AUTS2: variants seen among roughly 807,000 people sequenced by gnomAD.
The protein encoded by AUTS2 is autism susceptibility gene 2 protein.
AUTS2 carries 17 observed loss-of-function variants against 112.4 expected under a neutral mutation model. That is an observed-to-expected ratio of 0.15 (90% CI 0.10 to 0.23). The LOEUF (loss-of-function observed/expected upper bound fraction) is 0.23. AUTS2 is among the 10% of genes least tolerant of loss of function. AUTS2 has a pLI of 1.00. For missense variants in AUTS2, 1,510 were observed against 1,701.6 expected, an observed-to-expected ratio of 0.89 and a Z score of 1.98; for synonymous variants, 751 against 702.7, an observed-to-expected ratio of 1.07 and a Z score of -1.09.
At chr7:69,849,416 A>G (rs958389509) in intron 1 of AUTS2, among the ~76,000 whole-genome samples, 13 of 152,132 alleles carry the variant, frequency 8.5e-5, no homozygotes, top group Non-Finnish European at 2.9e-5. Flanking sequence ...GTTCTTTGAC[A>G]TGTGTACATT....
At chr7:69,686,274 C>T (rs1797060369) in intron 1 of AUTS2, among the ~76,000 whole-genome samples, 1 of 152,236 alleles carries the variant, frequency 6.6e-6, no homozygotes, top group Admixed American at 6.5e-5. Flanking sequence ...CACAGATACT[C>T]GAATGTCAGA....
Position 69,753,566 on chromosome 7 carries a change from A to G in AUTS2, c.310-145720A>G, listed in dbSNP as rs529767066. On this transcript the variant is annotated intron_variant, in intron 1 of 18. Coordinates refer to ENST00000342771, the MANE Select transcript of AUTS2 (RefSeq NM_015570.4). The stretch of plus-strand genomic sequence containing the variant: ...TTAGTCTTCCTGAAGTTTCCTGTCC[A>G]TGAAAAGGGGATGTGTGAGGGTGCA... Among the ~76,000 whole-genome samples the G allele has an allele frequency of 4.6e-5, 7 of 152,278 alleles. No homozygotes were observed. In the South Asian group the frequency reaches 1.2e-3, roughly 27 times the overall value.
At chr7:69,899,520 C>CT (rs912103544) in intron 2 of AUTS2, 22 bp downstream of exon 2, 1 of 1,612,064 alleles carries the variant, frequency 6.2e-7, no homozygotes, top group Non-Finnish European at 8.5e-7. Context: ...TGGGTTCGCT[C>CT]TTTCCTGTGG....
chr7:70,340,968 C>G (rs939615967), intron 4 of AUTS2, among the ~76,000 whole-genome samples: 1 of 152,164 alleles, frequency 6.6e-6, no homozygotes, highest in African/African-American at 2.4e-5. Context: ...ATATGAAACT[C>G]AAAACCCACT....
chr7:69,970,808 A>T lies in AUTS2; in HGVS notation c.522+71310A>T, dbSNP rs542088699. ...CCTGCGTCTTCTATAGTAACATATGATCCTAGAGATACAGAATTACATTGT... is the reference window on the plus strand; with the variant it reads ...CCTGCGTCTTCTATAGTAACATATGTTCCTAGAGATACAGAATTACATTGT... On this transcript the variant is annotated intron_variant, in intron 2 of 18. Transcript: ENST00000342771. Among the ~76,000 whole-genome samples the T allele has an allele frequency of 6.6e-5, 10 of 152,200 alleles. No individual in the cohort carries two copies. The East Asian group carries it at 1.9e-3, about 29-fold the overall frequency.
In AUTS2 at chr7:70,484,497, A is replaced by T. The variant is rs189730806; in HGVS notation, c.690+48716A>T. Among the ~76,000 whole-genome samples the T allele has an allele frequency of 2.6e-5, 4 of 152,310 alleles. No homozygotes were observed. In the East Asian group the frequency reaches 7.7e-4, roughly 29 times the overall value. ...TGGGGTTAGCCCCTGACGGGAACTC[A>T]GGGTCTCAGCTTTCATTCTCATTCT... On this transcript the variant is annotated intron_variant, in intron 5 of 18. Transcript: ENST00000342771.
At chr7:70,446,032 A>G (rs899983745) in intron 5 of AUTS2, among the ~76,000 whole-genome samples, 5 of 152,110 alleles carry the variant, frequency 3.3e-5, no homozygotes, top group African/African-American at 1.2e-4. Flanking sequence ...GACCCCACAC[A>G]GGAGAAGGGG....
At chr7:70,538,690 A>G (rs143528259) in intron 5 of AUTS2, among the ~76,000 whole-genome samples, 27 of 152,342 alleles carry the variant, frequency 1.8e-4, no homozygotes, top group African/African-American at 6.0e-4. Context: ...TGCATGGTTA[A>G]TGTGTGAAGT....
At chr7:69,849,172 A>G (rs916765866) in intron 1 of AUTS2, among the ~76,000 whole-genome samples, 3 of 152,214 alleles carry the variant, frequency 2.0e-5, no homozygotes, top group Admixed American at 2.0e-4. Flanking sequence ...AAAGAGCAAG[A>G]TTGTCCAAAA....
At chr7:70,431,036 A>G (rs1038998176) in intron 4 of AUTS2, among the ~76,000 whole-genome samples, 8 of 151,638 alleles carry the variant, frequency 5.3e-5, no homozygotes, top group African/African-American at 1.2e-4. Context: ...ACGGGGTTTC[A>G]CCGTTTTAGC....
At chr7:70,458,283 T>C (rs573317833) in intron 5 of AUTS2, among the ~76,000 whole-genome samples, 70 of 152,336 alleles carry the variant, frequency 4.6e-4, no homozygotes, top group Non-Finnish European at 8.5e-4. Context: ...CACATTTCTG[T>C]CAGGATGTCA....
intron 1 of AUTS2, among the ~76,000 whole-genome samples, chr7:69,801,928 A>G (rs1414313984): frequency 6.6e-6 from 1 of 151,752 alleles, no homozygotes; most frequent in East Asian, 1.9e-4. Context: ...ATGCAATTTT[A>G]GATTCAGTGG....
chr7:70,723,678 A>G (rs1177446920), intron 6 of AUTS2, among the ~76,000 whole-genome samples: 1 of 100,270 alleles, frequency 1.0e-5, no homozygotes, highest in African/African-American at 3.1e-5. Context: ...AGTTGTAGAG[A>G]AAAATACTCG....
At chr7:69,631,317 T>G (rs796404231) in intron 1 of AUTS2, among the ~76,000 whole-genome samples, 5 of 152,332 alleles carry the variant, frequency 3.3e-5, no homozygotes, top group African/African-American at 1.2e-4. Context: ...ACTTAAGATG[T>G]TTTTGACCTT....
chr7:69,602,123 G>T (rs1017697556), intron 1 of AUTS2, among the ~76,000 whole-genome samples: 2 of 145,850 alleles, frequency 1.4e-5, no homozygotes, highest in African/African-American at 2.5e-5. Flanking sequence ...CTTTTTGATG[G>T]TTTTATTTTT....
chr7:69,686,532 A>G (rs972131590), intron 1 of AUTS2, among the ~76,000 whole-genome samples: 4 of 152,220 alleles, frequency 2.6e-5, no homozygotes, highest in African/African-American at 9.6e-5. Context: ...GCAATTTCCA[A>G]GGAGTCATAA....
chr7:70,235,577 T>C (rs1812281373), intron 4 of AUTS2, among the ~76,000 whole-genome samples: 1 of 152,198 alleles, frequency 6.6e-6, no homozygotes, highest in South Asian at 2.1e-4. Context: ...TGTTTTTAGG[T>C]GGATGCTCTG....
At chr7:70,495,466 AGT>A (rs1393142008) in intron 5 of AUTS2, among the ~76,000 whole-genome samples, 2 of 151,976 alleles carry the variant, frequency 1.3e-5, no homozygotes, top group African/African-American at 4.8e-5. Context: ...AGTCTCCTAG[AGT>A]GAGGTTGGTT....
chr7:69,658,204 C>A (rs1042984834), intron 1 of AUTS2, among the ~76,000 whole-genome samples: 1 of 152,222 alleles, frequency 6.6e-6, no homozygotes, highest in Non-Finnish European at 1.5e-5. Context: ...CAGCAGAAAC[C>A]ATATGGCCTG....
Sources: gnomAD v4.1 joint callset for allele counts (sites outside exome capture counted in the v4.1 genomes callset) on GRCh38, gnomAD v4.1.1 for gene constraint, MANE v1.5 for transcripts, NCBI Gene and HGNC (gene_info 2026-07-23, HGNC 2026-07-21) for gene names.